Variants in SUGP1 observed in about 807,000 individuals in gnomAD.
SUGP1 encodes SURP and G-patch domain containing 1.
A neutral mutation model predicts 76.5 loss-of-function variants in SUGP1; 34 were observed. That is an observed-to-expected ratio of 0.44 (90% CI 0.34 to 0.59). The LOEUF (loss-of-function observed/expected upper bound fraction) is 0.59, where lower values mean the gene tolerates loss of function less well. Ranked by LOEUF, SUGP1 falls within the 20% of genes least tolerant of loss-of-function variation. The pLI, the probability that SUGP1 is intolerant of heterozygous loss-of-function variation, is 0.01. For synonymous variants in SUGP1, 326 were observed against 326.2 expected (o/e 1.00, Z 0.01); for missense variants, 752 against 851.7 (o/e 0.88, Z 1.46).
intron 1 of SUGP1, among the ~76,000 whole-genome samples, chr19:19,318,735 C>T (rs1014960038): frequency 6.6e-6 from 1 of 152,138 alleles, no homozygotes; most frequent in East Asian, 1.9e-4. Context: ...TAGCCAATAT[C>T]CACAGGGTCG....
chr19:19,301,914 A>G (rs1568629426), intron 7 of SUGP1: 1 of 278,644 alleles, frequency 3.6e-6, no homozygotes, highest in Non-Finnish European at 6.8e-6. Flanking sequence ...TAAACTGAAC[A>G]GTACTGTGAA....
chr19:19,282,957 G>A (rs371595563), intron 8 of SUGP1, among the ~76,000 whole-genome samples: 12 of 152,016 alleles, frequency 7.9e-5, no homozygotes, highest in East Asian at 7.8e-4. Context: ...GGCGCCTGTC[G>A]TCCCAGCTAC....
At chr19:19,285,533 T>C (rs1437184052) in intron 8 of SUGP1, among the ~76,000 whole-genome samples, 3 of 151,988 alleles carry the variant, frequency 2.0e-5, no homozygotes, top group Non-Finnish European at 4.4e-5. Context: ...AAGACATTAG[T>C]AAGGAAGAGG....
intron 8 of SUGP1, among the ~76,000 whole-genome samples, chr19:19,293,729 C>T (rs916332621): frequency 6.6e-6 from 1 of 152,198 alleles, no homozygotes; most frequent in African/African-American, 2.4e-5. Context: ...AGCAACAAGA[C>T]AAGGATGCAC....
chr19:19,307,652 AT>A (rs2061326737), intron 3 of SUGP1, among the ~76,000 whole-genome samples: 2 of 150,848 alleles, frequency 1.3e-5, no homozygotes, highest in Non-Finnish European at 3.0e-5. Context: ...AACCTCTGGT[AT>A]TTTTCTTTTT....
rs759571353 is a variant in SUGP1, at chr19:19,306,066, G to A, written c.321C>T (p.Thr107=). The A allele has an allele frequency of 1.9e-6, 3 of 1,598,018 alleles. No individual in the cohort carries two copies. In the Admixed American group the frequency reaches 5.3e-5, roughly 28 times the overall value. ...QKAQTSTDAP[T]SAPSAPPSTP... ...TGCTGGGAGGGGCGCTGGGCGCACT[G>A]GTCGGGGCGTCTGGTATAGAAGGAA... Residue 107 remains threonine, a synonymous_variant, in exon 4 of 14, where the codon ACC becomes ACT. Transcript: ENST00000247001.
Position 19,279,292 on chromosome 19 carries a change from A to C in SUGP1, c.1449T>G (p.Tyr483Ter). Residue 483 changes from tyrosine to a stop codon, truncating the protein, a stop_gained, in exon 10 of 14, where the codon TAT becomes TAG. Coordinates refer to ENST00000247001, the MANE Select transcript of SUGP1 (RefSeq NM_172231.4). LOFTEE classifies it high-confidence loss of function. Reference protein sequence around the residue: ...EKAVQQHQHGYDSDEEVDSEL... With the variant: ...EKAVQQHQHG Reference sequence around the variant, plus strand: ...CGCTGTCCACCTCCTCATCACTGTCATAGCCGTGCTGGTGCTGTTGGACTG... The same window carrying C: ...CGCTGTCCACCTCCTCATCACTGTCCTAGCCGTGCTGGTGCTGTTGGACTG... 1 of 1,611,360 alleles carries C rather than the reference A, an allele frequency of 6.2e-7. No homozygotes were observed. The highest frequency in any genetic ancestry group is 8.5e-7 in the Non-Finnish European group (1 of 1,179,764).
intron 2 of SUGP1, among the ~76,000 whole-genome samples, chr19:19,311,819 AAC>A (rs1380504988): frequency 6.6e-6 from 1 of 151,990 alleles, no homozygotes; most frequent in Non-Finnish European, 1.5e-5. Flanking sequence ...TGGGTAAAGA[AAC>A]ACAGGCTTTG....
chr19:19,298,597 A>G (rs1357032069), intron 7 of SUGP1, among the ~76,000 whole-genome samples: 1 of 152,124 alleles, frequency 6.6e-6, no homozygotes, highest in Non-Finnish European at 1.5e-5. Context: ...GTACCTCAAG[A>G]GGGTGGGACA....
chr19:19,296,146 G>A (rs757276659), intron 8 of SUGP1, among the ~76,000 whole-genome samples: 1 of 151,528 alleles, frequency 6.6e-6, no homozygotes, highest in Non-Finnish European at 1.5e-5. Context: ...GTGAGACCCC[G>A]TCTCCATAAA....
At chr19:19,278,911 A>T (rs1283880451) in intron 10 of SUGP1, 115 bp from the exon 11 acceptor site, 2 of 1,096,838 alleles carry the variant, frequency 1.8e-6, no homozygotes, top group African/African-American at 3.1e-5. Flanking sequence ...CCCCCAGGGA[A>T]GGAGGCGGCT....
intron 2 of SUGP1, among the ~76,000 whole-genome samples, chr19:19,312,310 C>G (rs565761558): frequency 3.2e-4 from 48 of 152,288 alleles, no homozygotes; most frequent in African/African-American, 1.2e-3. Context: ...ACTATTAACA[C>G]TGGTATATAT....
chr19:19,303,298 G>T, intron 6 of SUGP1, 50 bp downstream of exon 6: 1 of 1,510,170 alleles, frequency 6.6e-7, no homozygotes, highest in South Asian at 1.1e-5. Context: ...ATTGGGGCAC[G>T]GTATGTCCAC....
Position 19,318,115 on chromosome 19 carries a change from T to TTTC in SUGP1, c.35-1523_35-1522insGAA, listed in dbSNP as rs1319756129. Among the ~76,000 whole-genome samples, 10 of 135,230 alleles carry TTTC rather than the reference T, an allele frequency of 7.4e-5. 1 individual carries two copies. Among genetic ancestry groups the TTTC allele is most frequent in the African/African-American group, 2.5e-4 (9 of 35,442 alleles). The allele number at this position is 135,230 out of a possible 152,430, so 88.7% of individuals were successfully genotyped here. The stretch of plus-strand genomic sequence containing the variant: ...CGTGAGCCACCGAACCCAGCCTTCT[T>TTTC]TTTTTTTTTTTTTTTTTTTGAGATG... On this transcript the variant is annotated intron_variant, in intron 1 of 13. Coordinates refer to ENST00000247001, the MANE Select transcript of SUGP1 (RefSeq NM_172231.4).
chr19:19,315,503 G>A (rs1487341866), intron 2 of SUGP1, among the ~76,000 whole-genome samples: 1 of 152,134 alleles, frequency 6.6e-6, no homozygotes, highest in Non-Finnish European at 1.5e-5. Context: ...AAAACCCTTG[G>A]TGCCCTCAGT....
intron 8 of SUGP1, among the ~76,000 whole-genome samples, chr19:19,289,422 T>G (rs1761225932): frequency 6.6e-6 from 1 of 151,884 alleles, no homozygotes; most frequent in Non-Finnish European, 1.5e-5. Context: ...GCCTGCATGG[T>G]GAAATCCCAT....
intron 8 of SUGP1, among the ~76,000 whole-genome samples, chr19:19,291,078 C>T (rs908814630): frequency 5.3e-5 from 8 of 152,154 alleles, no homozygotes; most frequent in Non-Finnish European, 7.3e-5. Context: ...GATCATGCCA[C>T]TGCACTCCAG....
At chr19:19,314,730 G>A (rs2061379958) in intron 2 of SUGP1, among the ~76,000 whole-genome samples, 1 of 152,144 alleles carries the variant, frequency 6.6e-6, no homozygotes, top group African/African-American at 2.4e-5. Context: ...AACAAATACT[G>A]GGAGATAAAA....
chr19:19,283,216 C>A (rs1477951813), intron 8 of SUGP1, among the ~76,000 whole-genome samples: 1 of 152,148 alleles, frequency 6.6e-6, no homozygotes, highest in Non-Finnish European at 1.5e-5. Flanking sequence ...ACAGACTGTA[C>A]ATAATGTGTT....
Sources: gnomAD v4.1 joint callset for allele counts (sites outside exome capture counted in the v4.1 genomes callset) on GRCh38, gnomAD v4.1.1 for gene constraint, MANE v1.5 for transcripts, NCBI Gene and HGNC (gene_info 2026-07-23, HGNC 2026-07-21) for gene names.